Variants in ULK4 observed in about 807,000 individuals in gnomAD.
ULK4 encodes inactive serine/threonine-protein kinase ULK4.
ULK4 carries 133 observed loss-of-function variants against 160.6 expected under a neutral mutation model. That is an observed-to-expected ratio of 0.83 (90% CI 0.72 to 0.96). The LOEUF (loss-of-function observed/expected upper bound fraction) is 0.96, where lower values mean the gene tolerates loss of function less well. Among genes scored for constraint, ULK4 ranks in the 40% least tolerant of loss-of-function variants. The probability of loss-of-function intolerance (pLI) is 0.00; values close to 1 mark genes in which losing one functional copy is unlikely to be tolerated. For missense variants in ULK4, 1,580 were observed against 1,499.5 expected (o/e 1.05, Z -0.89); for synonymous variants, 534 against 539.8 (o/e 0.99, Z 0.15).
At chr3:41,368,386 A>G (rs1424611709) in intron 35 of ULK4, among the ~76,000 whole-genome samples, 1 of 152,170 alleles carries the variant, frequency 6.6e-6, no homozygotes, top group Non-Finnish European at 1.5e-5. Flanking sequence ...TTCACATACC[A>G]TAAAATTCAC....
chr3:41,461,994 T>C (rs1495706), intron 33 of ULK4, among the ~76,000 whole-genome samples: 80,487 of 152,028 alleles, frequency 0.53, 21,406 homozygotes, highest in East Asian at 0.67. Flanking sequence ...TAATTTGGAA[T>C]TATTATAAAT....
intron 35 of ULK4, among the ~76,000 whole-genome samples, chr3:41,280,971 G>A (rs2079340280): frequency 6.6e-6 from 1 of 152,032 alleles, no homozygotes; most frequent in African/African-American, 2.4e-5. Flanking sequence ...TGATAAAGGG[G>A]ATATCACCAC....
chr3:41,798,260 A>C (rs182713586), intron 20 of ULK4, among the ~76,000 whole-genome samples: 67 of 152,330 alleles, frequency 4.4e-4, no homozygotes, highest in African/African-American at 1.5e-3. Context: ...GCCCAATTAA[A>C]ACAAGACAGA....
At chr3:41,702,935 C>G (rs1331081476) in intron 27 of ULK4, among the ~76,000 whole-genome samples, 1 of 147,970 alleles carries the variant, frequency 6.8e-6, no homozygotes, top group East Asian at 2.0e-4. Context: ...CTCACTGCAA[C>G]CTCCGCCTCC....
intron 35 of ULK4, among the ~76,000 whole-genome samples, chr3:41,258,735 G>C (rs899320887): frequency 6.6e-6 from 1 of 152,196 alleles, no homozygotes; most frequent in East Asian, 1.9e-4. Context: ...TGGAGTGCCA[G>C]CCATTATCTC....
chr3:41,882,430 C>T lies in ULK4; in HGVS notation c.1656+1444G>A, dbSNP rs959558609. 20 of 626,690 alleles carry T rather than the reference C, an allele frequency of 3.2e-5. No homozygotes were observed. The African/African-American group carries it at 3.3e-4, about 10-fold the overall frequency. The allele number at this position is 626,690 out of a possible 1,614,324, so 38.8% of individuals were successfully genotyped here. ...ATCATCTCAATTCAGACTAGCTTTTCTTCAAGCACTCAATAGCCATAGTGG... is the reference window on the plus strand; with the variant it reads ...ATCATCTCAATTCAGACTAGCTTTTTTTCAAGCACTCAATAGCCATAGTGG... On this transcript the variant is annotated intron_variant, in intron 17 of 36. Coordinates refer to ENST00000301831, the MANE Select transcript of ULK4 (RefSeq NM_017886.4).
intron 36 of ULK4, among the ~76,000 whole-genome samples, chr3:41,247,725 G>A (rs935368415): frequency 6.6e-6 from 1 of 152,206 alleles, no homozygotes; most frequent in Non-Finnish European, 1.5e-5. Flanking sequence ...CAGAAGGAAT[G>A]CGTTTGAACT....
intron 30 of ULK4, among the ~76,000 whole-genome samples, chr3:41,642,647 C>T (rs1218352082): frequency 2.6e-5 from 4 of 152,212 alleles, no homozygotes; most frequent in Non-Finnish European, 1.5e-5. Flanking sequence ...CCGCAATAAA[C>T]ATACGTGTGC....
At chr3:41,384,876 C>T (rs757559984) in intron 35 of ULK4, among the ~76,000 whole-genome samples, 1 of 152,116 alleles carries the variant, frequency 6.6e-6, no homozygotes, top group Non-Finnish European at 1.5e-5. Flanking sequence ...TGAGCCACTG[C>T]ACCCAGCTTT....
chr3:41,932,403 T>A (rs1699633263), intron 4 of ULK4, among the ~76,000 whole-genome samples: 1 of 152,198 alleles, frequency 6.6e-6, no homozygotes. Context: ...GCATTAAGAT[T>A]AAAGTTGGAG....
At chr3:41,332,683 T>C (rs961725675) in intron 35 of ULK4, among the ~76,000 whole-genome samples, 5 of 152,226 alleles carry the variant, frequency 3.3e-5, no homozygotes, top group African/African-American at 7.2e-5. Context: ...TCAGGGGGTA[T>C]ATGTGCAGGT....
chr3:41,561,987 T>C (rs537947041), intron 32 of ULK4, among the ~76,000 whole-genome samples: 74 of 152,312 alleles, frequency 4.9e-4, no homozygotes, highest in African/African-American at 1.7e-3. Context: ...TGCTTTCTCT[T>C]GTGGGCATTT....
chr3:41,872,794 A>G (rs2125694285), intron 17 of ULK4, among the ~76,000 whole-genome samples: 1 of 152,336 alleles, frequency 6.6e-6, no homozygotes, highest in South Asian at 2.1e-4. Context: ...AAATTGAAAA[A>G]AAAAACTGCA....
intron 30 of ULK4, among the ~76,000 whole-genome samples, chr3:41,629,522 G>A (rs1027884982): frequency 3.3e-5 from 5 of 152,108 alleles, no homozygotes; most frequent in African/African-American, 1.2e-4. Context: ...GTGGGCATGC[G>A]CAAGTTATGA....
chr3:41,424,240 G>A (rs565749513), intron 34 of ULK4, among the ~76,000 whole-genome samples: 1 of 152,304 alleles, frequency 6.6e-6, no homozygotes, highest in African/African-American at 2.4e-5. Context: ...AGCAACTCCA[G>A]GCAGGGGTTT....
In ULK4 at chr3:41,848,126, A is replaced by T. The variant is rs561045575; in HGVS notation, c.1657-12155T>A. On this transcript the variant is annotated intron_variant, in intron 17 of 36. Transcript: ENST00000301831. ...TAATTGGCATCTAACTCCTAAAGCT[A>T]AATCAAGGAGAAGCAAGGACTGCTA... Among the ~76,000 whole-genome samples, 7 of 152,342 alleles carry T rather than the reference A, an allele frequency of 4.6e-5. 1 individual carries two copies. In the South Asian group the frequency reaches 1.5e-3, roughly 32 times the overall value.
intron 12 of ULK4, 119 bp from the exon 13 acceptor site, chr3:41,900,948 T>G: frequency 1.6e-6 from 1 of 632,218 alleles, no homozygotes; most frequent in Admixed American, 2.7e-5. Flanking sequence ...TCAATGTACT[T>G]CAACTGCTAT....
At position 41,717,779 on chromosome 3, in the gene ULK4, A is replaced by G. The variant is rs778084498; in HGVS notation, c.2404T>C (p.Cys802Arg). The G allele has an allele frequency of 1.4e-5, 22 of 1,614,012 alleles. No homozygotes were observed. In the Admixed American group the frequency reaches 3.5e-4, roughly 26 times the overall value. Residue 802 changes from cysteine to arginine, a missense_variant, in exon 23 of 37, where the codon TGC becomes CGC. Cys to Arg is a radical substitution (Grantham distance 180). Coordinates refer to ENST00000301831, the MANE Select transcript of ULK4 (RefSeq NM_017886.4). Reference protein sequence around the residue: ...QQSGNEYLSKCLDLLICHIVQ... With the variant: ...QQSGNEYLSKRLDLLICHIVQ... ...ATGTGACAGATGAGAAGATCCAGGCATTTGGACAGGTATTCATTGCCACTT... is the reference window on the plus strand; with the variant it reads ...ATGTGACAGATGAGAAGATCCAGGCGTTTGGACAGGTATTCATTGCCACTT...
At chr3:41,888,071 C>T (rs1033496801) in intron 16 of ULK4, among the ~76,000 whole-genome samples, 17 of 151,478 alleles carry the variant, frequency 1.1e-4, no homozygotes, top group Admixed American at 1.1e-3. Flanking sequence ...ATTCCAGCCT[C>T]GGGGACACAG....
Sources: allele counts gnomAD v4.1 joint callset (sites outside exome capture counted in the v4.1 genomes callset), GRCh38; gene constraint gnomAD v4.1.1; transcripts MANE v1.5; gene names NCBI Gene and HGNC (gene_info 2026-07-23, HGNC 2026-07-21).